The following CDKAL1 variants were observed in gnomAD, a reference collection of about 807,000 sequenced individuals.
The protein encoded by CDKAL1 is CDKAL1 threonylcarbamoyladenosine tRNA methylthiotransferase, also known as threonylcarbamoyladenosine tRNA methylthiotransferase.
A neutral mutation model predicts 68.2 loss-of-function variants in CDKAL1; 32 were observed. The ratio of observed to expected loss-of-function variants is 0.47; its 90% CI spans 0.35 to 0.63. The LOEUF is 0.63. Ranked by LOEUF, CDKAL1 falls within the 30% of genes least tolerant of loss-of-function variation. CDKAL1 has a pLI of 0.00. For missense variants in CDKAL1, 606 were observed against 696.7 expected (o/e 0.87, Z 1.47); for synonymous variants, 234 against 244.3 (o/e 0.96, Z 0.39).
At chr6:20,827,565 CTT>C (rs1369385149) in intron 8 of CDKAL1, among the ~76,000 whole-genome samples, 2 of 151,984 alleles carry the variant, frequency 1.3e-5, no homozygotes, top group Non-Finnish European at 2.9e-5. Flanking sequence ...AAGCTAAACA[CTT>C]TTCATTATCA....
At chr6:21,100,570 T>G (rs776977668) in intron 12 of CDKAL1, among the ~76,000 whole-genome samples, 2 of 152,236 alleles carry the variant, frequency 1.3e-5, no homozygotes, top group Non-Finnish European at 2.9e-5. Context: ...AGCCTTCTTT[T>G]TCTTTGTTTT....
rs1040862177 is a variant in CDKAL1, at chr6:20,932,610, T to C, written c.743-22809T>C. On this transcript the variant is annotated intron_variant, in intron 9 of 15. Coordinates refer to ENST00000274695, the MANE Select transcript of CDKAL1 (RefSeq NM_017774.3). ...ACAATGCCCTTTCCCAAAACCTCTT[T>C]CCTTAACAGAAGGGAATTTCTACAA... Among the ~76,000 whole-genome samples the C allele has an allele frequency of 2.6e-5, 4 of 152,290 alleles. No homozygotes were observed. In the South Asian group the frequency reaches 8.3e-4, roughly 32 times the overall value.
chr6:21,148,259 A>G (rs1415451049), intron 13 of CDKAL1, among the ~76,000 whole-genome samples: 1 of 152,182 alleles, frequency 6.6e-6, no homozygotes, highest in African/African-American at 2.4e-5. Flanking sequence ...AAGGGAAGGG[A>G]CTGTGATCTG....
intron 9 of CDKAL1, among the ~76,000 whole-genome samples, chr6:20,876,446 T>G (rs1760520941): frequency 6.6e-6 from 1 of 152,198 alleles, no homozygotes; most frequent in Non-Finnish European, 1.5e-5. Context: ...CCCCAAAACC[T>G]TCTTTGGCAA....
chr6:20,896,836 T>C (rs1212523474), intron 9 of CDKAL1, among the ~76,000 whole-genome samples: 1 of 152,068 alleles, frequency 6.6e-6, no homozygotes, highest in Admixed American at 6.5e-5. Flanking sequence ...TCAAAATAAA[T>C]CTGTCTTCTC....
intron 4 of CDKAL1, among the ~76,000 whole-genome samples, chr6:20,583,333 T>C (rs1765212268): frequency 1.3e-5 from 2 of 152,228 alleles, no homozygotes; most frequent in African/African-American, 4.8e-5. Context: ...ATGTCTTCAG[T>C]ATCATAAATA....
At chr6:21,009,821 G>C (rs1767918052) in intron 11 of CDKAL1, among the ~76,000 whole-genome samples, 1 of 152,194 alleles carries the variant, frequency 6.6e-6, no homozygotes, top group Non-Finnish European at 1.5e-5. Flanking sequence ...AACATAGAAT[G>C]ATGCTTACCA....
chr6:21,165,986 G>C (rs1378187474), intron 13 of CDKAL1, among the ~76,000 whole-genome samples: 1 of 152,150 alleles, frequency 6.6e-6, no homozygotes, highest in African/African-American at 2.4e-5. Context: ...GTGACCTTCG[G>C]AAAGTAACTA....
At chr6:20,825,959 A>G (rs1777486360) in intron 8 of CDKAL1, among the ~76,000 whole-genome samples, 2 of 152,130 alleles carry the variant, frequency 1.3e-5, no homozygotes, top group African/African-American at 2.4e-5. Flanking sequence ...TACATTACAT[A>G]TTTGGGAGAT....
At chr6:20,827,592 GTGAT>G (rs1163396338) in intron 8 of CDKAL1, among the ~76,000 whole-genome samples, 17 of 152,198 alleles carry the variant, frequency 1.1e-4, no homozygotes, top group Non-Finnish European at 2.2e-4. Flanking sequence ...CTATTACAAA[GTGAT>G]GTTTTAGACA....
chr6:21,027,750 T>G (rs148892495), intron 11 of CDKAL1, among the ~76,000 whole-genome samples: 1 of 152,296 alleles, frequency 6.6e-6, no homozygotes, highest in African/African-American at 2.4e-5. Flanking sequence ...CAAATAAACT[T>G]CTGTTGTTTA....
chr6:20,638,983 A>G (rs983083575), intron 4 of CDKAL1, among the ~76,000 whole-genome samples: 2 of 152,054 alleles, frequency 1.3e-5, no homozygotes, highest in East Asian at 1.9e-4. Flanking sequence ...GTCAAAATCA[A>G]TAGAGCAATT....
chr6:20,794,044 A>G (rs910819929), intron 8 of CDKAL1, among the ~76,000 whole-genome samples: 3 of 151,724 alleles, frequency 2.0e-5, no homozygotes, highest in African/African-American at 7.2e-5. Context: ...AGAGACCTGT[A>G]GATCCTAGAC....
intron 4 of CDKAL1, among the ~76,000 whole-genome samples, chr6:20,582,401 C>T (rs1765176039): frequency 6.6e-6 from 1 of 152,122 alleles, no homozygotes; most frequent in Admixed American, 6.5e-5. Flanking sequence ...TTAAGTTATA[C>T]ATACATATTT....
chr6:20,670,071 A>G (rs1457123670), intron 5 of CDKAL1, among the ~76,000 whole-genome samples: 1 of 152,220 alleles, frequency 6.6e-6, no homozygotes, highest in Non-Finnish European at 1.5e-5. Flanking sequence ...CTGCTCTTTA[A>G]CAGTGAAAAA....
intron 15 of CDKAL1, among the ~76,000 whole-genome samples, chr6:21,224,310 T>A (rs913695627): frequency 6.6e-6 from 1 of 152,206 alleles, no homozygotes; most frequent in African/African-American, 2.4e-5. Context: ...TATGATCACC[T>A]GAGGTCAAGA....
chr6:20,551,797 A>G (rs1763843144), intron 4 of CDKAL1, among the ~76,000 whole-genome samples: 1 of 152,098 alleles, frequency 6.6e-6, no homozygotes, highest in Non-Finnish European at 1.5e-5. Context: ...ACTTCTCTAT[A>G]TTCATTAGTA....
At chr6:20,999,344 G>A (rs572393624) in intron 10 of CDKAL1, among the ~76,000 whole-genome samples, 18 of 151,564 alleles carry the variant, frequency 1.2e-4, no homozygotes, top group African/African-American at 4.4e-4. Flanking sequence ...GTGGAGAAGG[G>A]CCACATTAGT....
chr6:20,540,096 C>T (rs1233871335), intron 2 of CDKAL1, among the ~76,000 whole-genome samples: 1 of 85,208 alleles, frequency 1.2e-5, no homozygotes, highest in African/African-American at 8.4e-5. Flanking sequence ...TTTTTTGAGA[C>T]AGAGTCTCAC....
Sources: allele counts gnomAD v4.1 joint callset (sites outside exome capture counted in the v4.1 genomes callset), GRCh38; gene constraint gnomAD v4.1.1; transcripts MANE v1.5; gene names NCBI Gene and HGNC (gene_info 2026-07-23, HGNC 2026-07-21).